SKIC3: variants seen among roughly 807,000 people sequenced by gnomAD.
SKIC3 encodes superkiller complex protein 3.
the SKIC3 span, among the ~76,000 whole-genome samples, chr5:95,520,422 C>T: frequency 6.7e-6 from 1 of 149,876 alleles, no homozygotes; most frequent in African/African-American, 2.5e-5. Flanking sequence ...TGAAAGAGAA[C>T]ACTAACACAT....
At chr5:95,539,900 A>G in the SKIC3 span, among the ~76,000 whole-genome samples, 1 of 151,996 alleles carries the variant, frequency 6.6e-6, no homozygotes, top group Non-Finnish European at 1.5e-5. Context: ...TAATCCCTCT[A>G]CTAGGTATCT....
At chr5:95,522,782 T>C in the SKIC3 span, among the ~76,000 whole-genome samples, 1 of 152,198 alleles carries the variant, frequency 6.6e-6, no homozygotes, top group African/African-American at 2.4e-5. Context: ...TTATTTTGAT[T>C]CAAATACATT....
chr5:95,482,770 A>G, the SKIC3 span: 1 of 851,752 alleles, frequency 1.2e-6, no homozygotes, highest in Middle Eastern at 3.5e-4. Context: ...AACTGCAAAT[A>G]ATTAAATAAA....
the SKIC3 span, chr5:95,523,610 C>T: frequency 6.3e-7 from 1 of 1,596,178 alleles, no homozygotes; most frequent in South Asian, 1.1e-5. Context: ...CATTTATATA[C>T]TCAGGATAAA....
At chr5:95,517,469 A>C in the SKIC3 span, 14 of 885,020 alleles carry the variant, frequency 1.6e-5, no homozygotes, top group East Asian at 2.7e-5. Context: ...CACCTCCCTA[A>C]TAGGAAGGGA....
the SKIC3 span, among the ~76,000 whole-genome samples, chr5:95,533,260 C>T: frequency 6.6e-6 from 1 of 151,982 alleles, no homozygotes; most frequent in Admixed American, 6.5e-5. Flanking sequence ...TCTCAACAGG[C>T]AAAGCAGGAC....
the SKIC3 span, among the ~76,000 whole-genome samples, chr5:95,492,652 G>GAAGAAAAAAAA: frequency 1.4e-4 from 7 of 48,836 alleles, no homozygotes; most frequent in African/African-American, 1.0e-3. Context: ...AAAAAAAAAA[G>GAAGAAAAAAAA]AAAAAAAAAA....
chr5:95,519,635 T>C, the SKIC3 span, among the ~76,000 whole-genome samples: 2 of 152,058 alleles, frequency 1.3e-5, no homozygotes, highest in Admixed American at 6.6e-5. Flanking sequence ...AAAATATCTA[T>C]AAATTGAAGT....
chr5:95,497,163 T>C, the SKIC3 span, among the ~76,000 whole-genome samples: 1 of 152,188 alleles, frequency 6.6e-6, no homozygotes, highest in Non-Finnish European at 1.5e-5. Flanking sequence ...AAAGAGATCT[T>C]CATACTTCTT....
At chr5:95,524,359 C>CA in the SKIC3 span, 1 of 1,498,346 alleles carries the variant, frequency 6.7e-7, no homozygotes, top group Non-Finnish European at 9.0e-7. Context: ...AGATAAAGCA[C>CA]AAAAAACAGT....
the SKIC3 span, chr5:95,490,922 G>C: frequency 6.2e-7 from 1 of 1,613,982 alleles, no homozygotes; most frequent in Admixed American, 1.7e-5. Context: ...AGCAGAAACA[G>C]CAGATAACAG....
At chr5:95,514,291 T>G in the SKIC3 span, among the ~76,000 whole-genome samples, 2 of 151,928 alleles carry the variant, frequency 1.3e-5, no homozygotes, top group East Asian at 1.9e-4. Context: ...AAAAGTGATA[T>G]GCTAAGGTAA....
At chr5:95,500,502 CA>C in the SKIC3 span, among the ~76,000 whole-genome samples, 3 of 152,238 alleles carry the variant, frequency 2.0e-5, no homozygotes, top group Non-Finnish European at 1.5e-5. Context: ...ATATTTTACT[CA>C]AAGAACATTT....
the SKIC3 span, among the ~76,000 whole-genome samples, chr5:95,549,721 C>T: frequency 6.6e-6 from 1 of 151,912 alleles, no homozygotes. Flanking sequence ...CTTTTCAACC[C>T]TAAAAACTAC....
the SKIC3 span, among the ~76,000 whole-genome samples, chr5:95,519,878 T>A: frequency 9.2e-5 from 14 of 151,988 alleles, no homozygotes; most frequent in Non-Finnish European, 1.9e-4. Flanking sequence ...AAGCATGCCC[T>A]TTACACAGTA....
the SKIC3 span, among the ~76,000 whole-genome samples, chr5:95,525,887 TAATAAACCC>T: frequency 6.6e-6 from 1 of 152,122 alleles, no homozygotes; most frequent in Non-Finnish European, 1.5e-5. Flanking sequence ...GAAACTAGTA[TAATAAACCC>T]ACATGTACCC....
At chr5:95,478,377 A>G in the SKIC3 span, 2 of 1,613,806 alleles carry the variant, frequency 1.2e-6, no homozygotes, top group South Asian at 2.2e-5. Context: ...CCAATTGTAG[A>G]CTCTTTCTGT....
chr5:95,506,948 G>T, the SKIC3 span: 1 of 1,613,036 alleles, frequency 6.2e-7, no homozygotes. Flanking sequence ...ACAATCTGCC[G>T]TAATTTCTTA....
chr5:95,464,697 T>A, the SKIC3 span: 1 of 1,601,452 alleles, frequency 6.2e-7, no homozygotes, highest in Non-Finnish European at 8.6e-7. Flanking sequence ...GGAAATCACA[T>A]ACAGGAACGT....
Sources: gnomAD v4.1 joint callset for allele counts (sites outside exome capture counted in the v4.1 genomes callset) on GRCh38, gnomAD v4.1.1 for gene constraint, MANE v1.5 for transcripts, NCBI Gene and HGNC (gene_info 2026-07-23, HGNC 2026-07-21) for gene names.